RYR3: variants seen among roughly 807,000 people sequenced by gnomAD.
The protein encoded by RYR3 is ryanodine receptor 3.
In RYR3, 207 loss-of-function variants were observed where a neutral mutation model predicts 584.3. The observed-to-expected ratio is 0.35, with a 90% CI of 0.32 to 0.40. RYR3 has a LOEUF of 0.40. RYR3 is among the 10% of genes least tolerant of loss of function. The pLI, the probability that RYR3 is intolerant of heterozygous loss-of-function variation, is 1.00. For synonymous variants in RYR3, 2,416 were observed against 2,248.5 expected (o/e 1.07, Z -2.11); for missense variants, 5,616 against 6,089.2 (o/e 0.92, Z 2.59).
At chr15:33,793,936 A>G (rs1397860706) in intron 67 of RYR3, among the ~76,000 whole-genome samples, 1 of 144,970 alleles carries the variant, frequency 6.9e-6, no homozygotes, top group Non-Finnish European at 1.5e-5. Flanking sequence ...ATATATATAC[A>G]TATATAAATA....
At chr15:33,429,605 A>C (rs1258366727) in intron 1 of RYR3, among the ~76,000 whole-genome samples, 3 of 152,234 alleles carry the variant, frequency 2.0e-5, no homozygotes, top group Non-Finnish European at 4.4e-5. Context: ...TACAGGACAC[A>C]CAGCTCAGCA....
intron 1 of RYR3, among the ~76,000 whole-genome samples, chr15:33,454,284 G>C (rs2047364351): frequency 6.6e-6 from 1 of 152,202 alleles, no homozygotes; most frequent in African/African-American, 2.4e-5. Flanking sequence ...TAAGGTGCTT[G>C]CTTGTAAAAC....
rs2070959710 is a variant in RYR3 at position 33,748,405 on chromosome 15, G to A, written c.8137-63G>A. 7 of 1,561,540 alleles carry A rather than the reference G, an allele frequency of 4.5e-6. No individual in the cohort carries two copies. The South Asian group carries it at 5.7e-5, about 13-fold the overall frequency. ...GACACATTTTTGACAGCTGAAGTTG[G>A]GGATGCCTGATAAGAACAAGGAAAA... is the stretch of plus-strand genomic sequence containing the variant. On this transcript the variant is annotated intron_variant, in intron 54 of 103. Coordinates refer to ENST00000634891, the MANE Select transcript of RYR3 (RefSeq NM_001036.6).
At chr15:33,771,448 T>C (rs2073566982) in intron 62 of RYR3, among the ~76,000 whole-genome samples, 1 of 151,856 alleles carries the variant, frequency 6.6e-6, no homozygotes, top group African/African-American at 2.4e-5. Context: ...GCAGGAGAAT[T>C]GCTGTAACCT....
chr15:33,818,770 G>A, intron 76 of RYR3, 86 bp downstream of exon 76: 1 of 928,516 alleles, frequency 1.1e-6, no homozygotes, highest in South Asian at 1.5e-5. Flanking sequence ...ACGGCAGTGG[G>A]TGGAAAAGGG....
At chr15:33,501,858 A>C (rs1191066529) in intron 2 of RYR3, among the ~76,000 whole-genome samples, 1 of 152,214 alleles carries the variant, frequency 6.6e-6, no homozygotes, top group African/African-American at 2.4e-5. Flanking sequence ...TCCCATACAA[A>C]TAAGTTAATT....
chr15:33,348,452 C>T (rs935485389), intron 1 of RYR3, among the ~76,000 whole-genome samples: 3 of 152,096 alleles, frequency 2.0e-5, no homozygotes, highest in Non-Finnish European at 4.4e-5. Flanking sequence ...CCTGAGGTCT[C>T]CTGACCTAAG....
intron 86 of RYR3, among the ~76,000 whole-genome samples, chr15:33,834,145 G>T (rs866974933): frequency 5.9e-5 from 9 of 152,106 alleles, no homozygotes; most frequent in Non-Finnish European, 1.3e-4. Context: ...TCAGCCAGGC[G>T]TGGTGGCACA....
rs370610411 is a variant in RYR3, at chr15:33,630,376, A to C, written c.2783+333A>C. ...TTTCTAAAACCCGTTGGGAAACCTG[A>C]TCTGATACACTAAAATTCAATTTTA... On this transcript the variant is annotated intron_variant, in intron 22 of 103. Transcript: ENST00000634891. Among the ~76,000 whole-genome samples, 9 of 152,352 alleles carry C rather than the reference A, an allele frequency of 5.9e-5. No individual in the cohort carries two copies. The East Asian group carries it at 1.5e-3, about 26-fold the overall frequency.
intron 85 of RYR3, among the ~76,000 whole-genome samples, chr15:33,828,837 G>C (rs1297046958): frequency 1.3e-5 from 2 of 152,174 alleles, no homozygotes; most frequent in African/African-American, 4.8e-5. Context: ...TGATGAAGGT[G>C]GTCACACTAA....
intron 1 of RYR3, among the ~76,000 whole-genome samples, chr15:33,438,149 CT>C (rs1567236558): frequency 6.6e-6 from 1 of 152,076 alleles, no homozygotes; most frequent in Admixed American, 6.6e-5. Context: ...ACCTCACATA[CT>C]TTTTTTGTGG....
At chr15:33,452,709 G>A (rs1026064302) in intron 1 of RYR3, among the ~76,000 whole-genome samples, 1 of 102,024 alleles carries the variant, frequency 9.8e-6, no homozygotes, top group African/African-American at 3.3e-5. Flanking sequence ...GGTGTGAGAG[G>A]TTAAAAAAAT....
At chr15:33,613,111 C>T in intron 18 of RYR3, 72 bp from the exon 19 acceptor site, 1 of 1,176,222 alleles carries the variant, frequency 8.5e-7, no homozygotes, top group Non-Finnish European at 1.2e-6. Flanking sequence ...CCCGCAGAGG[C>T]CTCTGAGCCT....
chr15:33,739,890 C>A lies in RYR3; in HGVS notation c.7715C>A (p.Ala2572Asp). The change falls in exon 51 of 104, where the codon GCC becomes GAC. Residue 2572 changes from alanine to aspartate, a missense_variant. This residue lies in a region of RYR3 where 1,280 missense variants were observed against 1,426.2 expected (regional missense o/e 0.90). Coordinates refer to ENST00000634891, the MANE Select transcript of RYR3 (RefSeq NM_001036.6). Reference protein sequence around the residue: ...ALPCLSAIAGALPPDYLDTRI... With the variant: ...ALPCLSAIAGDLPPDYLDTRI... ...CCTTGTCTCAGTGCTATAGCTGGGG[C>A]CTTGCCACCAGATTATTTAGATACC... 6.2e-7 allele frequency: 1 copy of A among 1,613,440 alleles called. No individual in the cohort carries two copies. Among genetic ancestry groups the A allele is most frequent in the Non-Finnish European group, 8.5e-7 (1 of 1,179,586 alleles).
At chr15:33,727,796 T>C (rs1274583576) in intron 46 of RYR3, among the ~76,000 whole-genome samples, 6 of 152,220 alleles carry the variant, frequency 3.9e-5, no homozygotes, top group Admixed American at 2.0e-4. Context: ...GCTGTGGCTA[T>C]AGCGTGCTCA....
At chr15:33,365,727 A>G (rs1232189286) in intron 1 of RYR3, among the ~76,000 whole-genome samples, 3 of 152,242 alleles carry the variant, frequency 2.0e-5, no homozygotes, top group African/African-American at 7.2e-5. Context: ...AGTAACAATA[A>G]TAAAGGGGAT....
At chr15:33,749,223 A>G (rs2071039697) in intron 55 of RYR3, among the ~76,000 whole-genome samples, 1 of 152,176 alleles carries the variant, frequency 6.6e-6, no homozygotes, top group Non-Finnish European at 1.5e-5. Flanking sequence ...CCCCCAAAAC[A>G]TAAGGACAGC....
intron 12 of RYR3, among the ~76,000 whole-genome samples, chr15:33,578,597 T>C (rs2058421236): frequency 6.6e-6 from 1 of 151,430 alleles, no homozygotes; most frequent in Non-Finnish European, 1.5e-5. Flanking sequence ...ACACACACTA[T>C]GGCCTGTCGA....
chr15:33,368,846 G>A (rs1975900752), intron 1 of RYR3, among the ~76,000 whole-genome samples: 1 of 152,110 alleles, frequency 6.6e-6, no homozygotes, highest in African/African-American at 2.4e-5. Context: ...TTAGAGCGAG[G>A]TCCAGAAGAG....
Sources: gnomAD v4.1 joint callset for allele counts (sites outside exome capture counted in the v4.1 genomes callset) on GRCh38, gnomAD v4.1.1 for gene constraint, gnomAD v4.1.1 regional missense constraint, MANE v1.5 for transcripts, NCBI Gene and HGNC (gene_info 2026-07-23, HGNC 2026-07-21) for gene names.